SLC1A2: variants seen among roughly 807,000 people sequenced by gnomAD.
SLC1A2 encodes the protein solute carrier family 1 member 2.
In SLC1A2, 15 loss-of-function variants were observed where a neutral mutation model predicts 48.8. That is an observed-to-expected ratio of 0.31 (90% CI 0.21 to 0.47). The LOEUF (loss-of-function observed/expected upper bound fraction) is 0.47, where lower values mean the gene tolerates loss of function less well. SLC1A2 is among the 20% of genes least tolerant of loss of function. The pLI, the probability that SLC1A2 is intolerant of heterozygous loss-of-function variation, is 0.99. For missense variants in SLC1A2, 502 were observed against 730.5 expected (o/e 0.69, Z 3.61); for synonymous variants, 279 against 272.6 (o/e 1.02, Z -0.23).
intron 1 of SLC1A2, among the ~76,000 whole-genome samples, chr11:35,348,566 G>A (rs4756218): frequency 0.58 from 88,129 of 151,826 alleles, 26,117 homozygotes; most frequent in East Asian, 0.7. Context: ...CACATGACCA[G>A]CTGATGTAGG....
chr11:35,395,345 C>A (rs1215393018), intron 1 of SLC1A2, among the ~76,000 whole-genome samples: 4 of 151,332 alleles, frequency 2.6e-5, no homozygotes, highest in Admixed American at 6.6e-5. Context: ...TTGATAAAGT[C>A]ATTGTATGTG....
Position 35,328,792 on chromosome 11 carries a change from A to G in SLC1A2, c.18-11276T>C, listed in dbSNP as rs565824304. 2.6e-5 allele frequency among the ~76,000 whole-genome samples: 4 copies of G among 152,328 alleles called. No homozygotes were observed. In the South Asian group the frequency reaches 8.3e-4, roughly 32 times the overall value. ...GCCTGATCCAAGAGCTACATACAAC[A>G]GTCATGGAACCCTAGAATTTCTGGA... On this transcript the variant is annotated intron_variant, in intron 1 of 10. Coordinates refer to ENST00000278379, the MANE Select transcript of SLC1A2 (RefSeq NM_004171.4).
At chr11:35,318,056 A>G (rs1851941969) in intron 1 of SLC1A2, among the ~76,000 whole-genome samples, 1 of 152,254 alleles carries the variant, frequency 6.6e-6, no homozygotes, top group African/African-American at 2.4e-5. Flanking sequence ...TAGTTTATCT[A>G]GTAAAAAAAT....
intron 9 of SLC1A2, among the ~76,000 whole-genome samples, chr11:35,278,998 A>G (rs1341952481): frequency 1.3e-5 from 2 of 152,196 alleles, no homozygotes; most frequent in African/African-American, 4.8e-5. Context: ...CATCCTGGGC[A>G]ACAGAGCAAG....
At position 35,301,502 on chromosome 11, in the gene SLC1A2, A is replaced by C. The variant is rs1851354215; in HGVS notation, c.857+17T>G. 1 of 1,612,440 alleles carries C rather than the reference A, an allele frequency of 6.2e-7. No individual in the cohort carries two copies. Among genetic ancestry groups the C allele is most frequent in the Admixed American group, 1.7e-5 (1 of 59,906 alleles). ...TTTCTCAACCCACTGCTAAGAAGTA[A>C]GAACAAGGCCACTTACCACATGATC... On this transcript the variant is annotated intron_variant, in intron 6 of 10. Coordinates refer to ENST00000278379, the MANE Select transcript of SLC1A2 (RefSeq NM_004171.4).
At chr11:35,353,851 G>A (rs539838514) in intron 1 of SLC1A2, among the ~76,000 whole-genome samples, 1 of 152,204 alleles carries the variant, frequency 6.6e-6, no homozygotes, top group East Asian at 1.9e-4. Context: ...TTCAATTACA[G>A]GCCAAAGCCT....
intron 9 of SLC1A2, among the ~76,000 whole-genome samples, chr11:35,277,203 G>T (rs1326910932): frequency 6.6e-6 from 1 of 152,212 alleles, no homozygotes; most frequent in Non-Finnish European, 1.5e-5. Flanking sequence ...CCATAGCCCA[G>T]TGGGTGGCCC....
intron 1 of SLC1A2, among the ~76,000 whole-genome samples, chr11:35,397,960 C>G (rs1437939875): frequency 2.6e-5 from 4 of 152,198 alleles, no homozygotes; most frequent in Non-Finnish European, 5.9e-5. Flanking sequence ...TTCTTTCTCC[C>G]AGTCTTTAAA....
chr11:35,303,975 T>G (rs967185683), intron 5 of SLC1A2, among the ~76,000 whole-genome samples: 1 of 152,188 alleles, frequency 6.6e-6, no homozygotes, highest in Non-Finnish European at 1.5e-5. Context: ...ATTTCAGCCA[T>G]GATTTGTAAA....
chr11:35,263,405 T>C (rs1374200694), intron 10 of SLC1A2, among the ~76,000 whole-genome samples: 5 of 151,600 alleles, frequency 3.3e-5, no homozygotes, highest in Admixed American at 6.6e-5. Flanking sequence ...GAGGCGGAGG[T>C]TGTGGTGAGC....
intron 1 of SLC1A2, among the ~76,000 whole-genome samples, chr11:35,349,749 C>A (rs1482201711): frequency 6.6e-6 from 1 of 152,200 alleles, no homozygotes; most frequent in Non-Finnish European, 1.5e-5. Context: ...CCCAGTATGT[C>A]TCCAGGGTTT....
chr11:35,401,654 T>C (rs1425875369), intron 1 of SLC1A2, among the ~76,000 whole-genome samples: 1 of 152,124 alleles, frequency 6.6e-6, no homozygotes, highest in Non-Finnish European at 1.5e-5. Flanking sequence ...CTGCATACTA[T>C]TTTTTTAATG....
chr11:35,403,056 A>G (rs747065915), intron 1 of SLC1A2, among the ~76,000 whole-genome samples: 7 of 152,224 alleles, frequency 4.6e-5, no homozygotes, highest in Non-Finnish European at 7.3e-5. Flanking sequence ...AGCTCAACAG[A>G]CTAAAAGTAA....
chr11:35,282,512 C>G (rs754401782), intron 8 of SLC1A2, among the ~76,000 whole-genome samples: 76 of 152,194 alleles, frequency 5.0e-4, no homozygotes, highest in Non-Finnish European at 7.8e-4. Context: ...CCCCCACCCC[C>G]ACCATGCCCA....
chr11:35,322,440 A>G (rs1172372860), intron 1 of SLC1A2: 1 of 636,884 alleles, frequency 1.6e-6, no homozygotes. Flanking sequence ...AGCTGGCACC[A>G]AACTCTTTTT....
At chr11:35,319,407 G>C (rs527998370) in intron 1 of SLC1A2, among the ~76,000 whole-genome samples, 1 of 152,268 alleles carries the variant, frequency 6.6e-6, no homozygotes, top group Admixed American at 6.5e-5. Flanking sequence ...GGTAGTATGC[G>C]TTCTGAAATG....
chr11:35,325,911 C>T (rs1458847776), intron 1 of SLC1A2, among the ~76,000 whole-genome samples: 1 of 149,084 alleles, frequency 6.7e-6, no homozygotes, highest in Non-Finnish European at 1.5e-5. Flanking sequence ...TTGCAGTGAG[C>T]CGGGATCACA....
intron 1 of SLC1A2, among the ~76,000 whole-genome samples, chr11:35,347,281 AC>A: frequency 6.6e-6 from 1 of 152,332 alleles, no homozygotes; most frequent in East Asian, 1.9e-4. Flanking sequence ...TAGCGGTGTT[AC>A]TTTTGGACAC....
In SLC1A2 at chr11:35,419,029, G is replaced by A. The variant is rs1301668044; in HGVS notation, c.-63C>T. Reference sequence around the variant, plus strand: ...GCAGCTGTGGGCGAGGGAGAAAGCGGACGCCGGGGTGAGCGCGAAGTGCGG... The same window carrying A: ...GCAGCTGTGGGCGAGGGAGAAAGCGAACGCCGGGGTGAGCGCGAAGTGCGG... On this transcript the variant is annotated 5_prime_UTR_variant, in exon 1 of 11. Transcript: ENST00000278379. This position sits in a 1 kb window ranked among gnomAD's most constrained non-coding sequence, Gnocchi z 5.4. The A allele has an allele frequency of 3.0e-5, 44 of 1,483,706 alleles. No homozygotes were observed. The highest frequency in any genetic ancestry group is 3.8e-5 in the Non-Finnish European group (42 of 1,093,276). 91.9% of individuals were successfully genotyped at this position (1,483,706 alleles called of 1,614,324 possible). A position where few individuals can be genotyped will look rare whatever the true frequency, so the allele number is the denominator to read the frequency against.
Sources: gnomAD v4.1 joint callset for allele counts (sites outside exome capture counted in the v4.1 genomes callset) on GRCh38, gnomAD v4.1.1 for gene constraint, Gnocchi (gnomAD v3.1) non-coding constraint, MANE v1.5 for transcripts, NCBI Gene and HGNC (gene_info 2026-07-23, HGNC 2026-07-21) for gene names.